LIN9: variants seen among roughly 807,000 people sequenced by gnomAD.
LIN9 encodes the protein lin-9 DREAM MuvB core complex component, also known as protein lin-9 homolog.
In LIN9, 18 loss-of-function variants were observed where a neutral mutation model predicts 78.0. That is an observed-to-expected ratio of 0.23 (90% CI 0.16 to 0.34). LIN9 has a LOEUF of 0.34. Among genes scored for constraint, LIN9 ranks in the 10% least tolerant of loss-of-function variants. LIN9 has a pLI of 1.00. For synonymous variants in LIN9, 192 were observed against 215.2 expected (o/e 0.89, Z 0.94); for missense variants, 451 against 644.1 (o/e 0.70, Z 3.25).
At chr1:226,282,807 T>G (rs1007275596) in intron 6 of LIN9, among the ~76,000 whole-genome samples, 2 of 151,992 alleles carry the variant, frequency 1.3e-5, no homozygotes, top group Admixed American at 6.6e-5. Flanking sequence ...GGCAACAGAG[T>G]GAGACTCTGT....
rs1170115469 is a variant in LIN9, at chr1:226,265,013, C to G, written c.1038+520G>C. Among the ~76,000 whole-genome samples, 1 of 152,136 alleles carries G rather than the reference C, an allele frequency of 6.6e-6. No homozygotes were observed. The highest frequency in any genetic ancestry group is 2.4e-5 in the African/African-American group (1 of 41,412). Reference sequence around the variant, plus strand: ...ACTCACTACATTTTTAAGAGTCCAGCTATAAGGAAATTTTCCAATATAATA... The same window carrying G: ...ACTCACTACATTTTTAAGAGTCCAGGTATAAGGAAATTTTCCAATATAATA... On this transcript the variant is annotated intron_variant, in intron 10 of 14. Transcript: ENST00000681046. The surrounding 1 kb of genome is among the most constrained non-coding windows in gnomAD (Gnocchi z 4.1).
chr1:226,249,489 T>C (rs1353340533), intron 11 of LIN9, among the ~76,000 whole-genome samples: 1 of 152,192 alleles, frequency 6.6e-6, no homozygotes, highest in East Asian at 1.9e-4. Flanking sequence ...TTTTTGGTCT[T>C]AAAAATTCAG....
At chr1:226,301,136 T>G in intron 2 of LIN9, 37 bp downstream of exon 2, 2 of 1,518,086 alleles carry the variant, frequency 1.3e-6, no homozygotes, top group Non-Finnish European at 1.8e-6. Flanking sequence ...AATTAGACTT[T>G]TAGCTATGGT....
intron 11 of LIN9, among the ~76,000 whole-genome samples, chr1:226,248,924 T>C (rs1658654229): frequency 1.3e-5 from 2 of 152,194 alleles, no homozygotes; most frequent in Non-Finnish European, 1.5e-5. Context: ...AGAGTTCTCA[T>C]ATGCTAAGAA....
chr1:226,277,946 TA>T lies in LIN9; in HGVS notation c.525-15del. 1 of 1,592,666 alleles carries T rather than the reference TA, an allele frequency of 6.3e-7. No individual in the cohort carries two copies. The highest frequency in any genetic ancestry group is 8.6e-7 in the Non-Finnish European group (1 of 1,168,800). ...GCAGAAGAACATCTAGAATAAATTATAAAAAACATACAAACTGATAACTACC... is the reference window on the plus strand; with the variant it reads ...GCAGAAGAACATCTAGAATAAATTATAAAAACATACAAACTGATAACTACC... On this transcript the variant is annotated splice_polypyrimidine_tract_variant and intron_variant, in intron 6 of 14. Transcript: ENST00000681046.
upstream of LIN9, chr1:226,309,527 C>G (rs182039657): frequency 8.6e-4 from 1,005 of 1,174,770 alleles, 1 homozygote; most frequent in Non-Finnish European, 9.8e-4. Flanking sequence ...GCTGTTTGTT[C>G]CGAGTGGAGA....
intron 1 of LIN9, among the ~76,000 whole-genome samples, chr1:226,307,363 T>C (rs1181884791): frequency 6.6e-6 from 1 of 152,230 alleles, no homozygotes; most frequent in Non-Finnish European, 1.5e-5. Context: ...CCAGCTGCGG[T>C]GGCTCACGCC....
At position 226,277,666 on chromosome 1, in the gene LIN9, A is replaced by G. The variant is rs906456411; in HGVS notation, c.682+109T>C. Reference sequence around the variant, plus strand: ...TGAGGGTTAACGATGTCTATTGTAAATATTTCTTGGTAATTAAAAATGAAA... The same window carrying G: ...TGAGGGTTAACGATGTCTATTGTAAGTATTTCTTGGTAATTAAAAATGAAA... On this transcript the variant is annotated intron_variant, in intron 7 of 14. Coordinates refer to ENST00000681046, the MANE Select transcript of LIN9 (RefSeq NM_001366245.2). The G allele has an allele frequency of 7.1e-6, 7 of 987,194 alleles. No homozygotes were observed. In the African/African-American group the frequency reaches 8.2e-5, roughly 12 times the overall value. The allele number at this position is 987,194 out of a possible 1,614,324, so 61.2% of individuals were successfully genotyped here.
intron 11 of LIN9, among the ~76,000 whole-genome samples, chr1:226,243,465 CG>C (rs750369255): frequency 2.0e-5 from 3 of 152,036 alleles, no homozygotes; most frequent in Non-Finnish European, 4.4e-5. Flanking sequence ...GAGGCCAAGG[CG>C]GGCAGATCAC....
intron 2 of LIN9, 29 bp downstream of exon 2, chr1:226,301,143 TG>T: frequency 6.5e-7 from 1 of 1,548,704 alleles, no homozygotes; most frequent in Non-Finnish European, 8.8e-7. Context: ...CTTTTAGCTA[TG>T]GTATACCTAA....
At chr1:226,267,310 T>TATGTATGTATGTATG (rs1553278726) in intron 8 of LIN9, among the ~76,000 whole-genome samples, 2 of 33,622 alleles carry the variant, frequency 5.9e-5, no homozygotes, top group African/African-American at 1.1e-4. Flanking sequence ...TGTATATATA[T>TATGTATGTATGTATG]TATGTATATA....
At chr1:226,250,545 A>G (rs1658768317) in intron 11 of LIN9, among the ~76,000 whole-genome samples, 1 of 152,162 alleles carries the variant, frequency 6.6e-6, no homozygotes, top group South Asian at 2.1e-4. Flanking sequence ...GTATGTATGT[A>G]TGTATTCCTG....
At chr1:226,293,058 G>C (rs563011881) in intron 4 of LIN9, among the ~76,000 whole-genome samples, 2 of 152,198 alleles carry the variant, frequency 1.3e-5, no homozygotes, top group Non-Finnish European at 2.9e-5. Context: ...TTCAGCTCTG[G>C]GTGGTGTTCT....
intron 10 of LIN9, among the ~76,000 whole-genome samples, chr1:226,256,961 T>C (rs1329890536): frequency 6.6e-6 from 1 of 151,998 alleles, no homozygotes; most frequent in Non-Finnish European, 1.5e-5. Flanking sequence ...ATGATTTTTT[T>C]CTTTTTTTCT....
At chr1:226,300,944 A>C (rs1013489350) in intron 2 of LIN9, among the ~76,000 whole-genome samples, 3 of 152,234 alleles carry the variant, frequency 2.0e-5, no homozygotes, top group Non-Finnish European at 4.4e-5. Context: ...GGAATGTTTA[A>C]TTAGAAAGGT....
chr1:226,271,156 G>A (rs1353511803), intron 7 of LIN9, among the ~76,000 whole-genome samples: 1 of 152,126 alleles, frequency 6.6e-6, no homozygotes, highest in African/African-American at 2.4e-5. Flanking sequence ...TGTAGCTAAA[G>A]TATCATGTCT....
chr1:226,234,911 T>TTTTTTG (rs1657585998), intron 12 of LIN9, among the ~76,000 whole-genome samples: 1 of 143,536 alleles, frequency 7.0e-6, no homozygotes, highest in Non-Finnish European at 1.5e-5. Flanking sequence ...TTTTTTTTTT[T>TTTTTTG]GAGACAGTCT....
At chr1:226,309,658 C>G, upstream of LIN9, 1 of 1,282,278 alleles carries the variant, frequency 7.8e-7, no homozygotes, top group Non-Finnish European at 1.0e-6. Flanking sequence ...TGGGCGCCTC[C>G]GTCCCCTCAC....
intron 6 of LIN9, among the ~76,000 whole-genome samples, chr1:226,282,542 C>T (rs1234882475): frequency 2.0e-5 from 3 of 152,168 alleles, no homozygotes; most frequent in Admixed American, 6.5e-5. Context: ...GTATCTCGGC[C>T]GGGCGCGGTG....
Sources: allele counts gnomAD v4.1 joint callset (sites outside exome capture counted in the v4.1 genomes callset), GRCh38; gene constraint gnomAD v4.1.1; non-coding constraint Gnocchi (gnomAD v3.1); transcripts MANE v1.5; gene names NCBI Gene and HGNC (gene_info 2026-07-23, HGNC 2026-07-21).